The following RMDN1 variants were observed in gnomAD, a reference collection of about 807,000 sequenced individuals.
RMDN1 encodes regulator of microtubule dynamics protein 1.
RMDN1 carries 48 observed loss-of-function variants against 48.9 expected under a neutral mutation model. The observed-to-expected ratio is 0.98, with a 90% CI of 0.78 to 1.25. RMDN1 has a LOEUF of 1.25. Among genes scored for constraint, RMDN1 ranks in the 50% most tolerant of loss-of-function variants. The probability of loss-of-function intolerance (pLI) is 0.00; values close to 1 mark genes in which losing one functional copy is unlikely to be tolerated. For missense variants in RMDN1, 418 were observed against 373.4 expected (o/e 1.12, Z -0.98); for synonymous variants, 148 against 132.6 (o/e 1.12, Z -0.80).
chr8:86,513,182 C>T (rs1244465557), upstream of RMDN1, among the ~76,000 whole-genome samples: 1 of 152,010 alleles, frequency 6.6e-6, no homozygotes, highest in African/African-American at 2.4e-5. Context: ...CAAGACTAGC[C>T]TGACCAACAT....
At chr8:86,502,578 C>T (rs565322665) in intron 2 of RMDN1, among the ~76,000 whole-genome samples, 1 of 152,276 alleles carries the variant, frequency 6.6e-6, no homozygotes, top group African/African-American at 2.4e-5. Flanking sequence ...ATCTATATTA[C>T]GCCAATAAGA....
intron 2 of RMDN1, among the ~76,000 whole-genome samples, chr8:86,502,428 C>A (rs1305826560): frequency 6.6e-6 from 1 of 152,076 alleles, no homozygotes; most frequent in East Asian, 1.9e-4. Context: ...AGATGGGGGT[C>A]TCACTTTGTT....
chr8:86,472,999 G>GT lies in RMDN1; in HGVS notation c.*1308dup, dbSNP rs146977029. ...GGTCCCATCTCCAAGATATCTTATT[G>GT]TGTGTATGCAGGTATTCCAAAATTT... On this transcript the variant is annotated 3_prime_UTR_variant, in exon 10 of 10. Transcript: ENST00000406452. 1.6e-3 allele frequency: 582 copies of GT among 361,204 alleles called. 1 individual carries two copies. The highest frequency in any genetic ancestry group is 0.01 in the African/African-American group (468 of 45,006). 22.4% of individuals were successfully genotyped at this position (361,204 alleles called of 1,614,324 possible). A position where few individuals can be genotyped will look rare whatever the true frequency, so the allele number is the denominator to read the frequency against.
At chr8:86,513,943 G>T (rs1308018979) in intron 1 of RMDN1, among the ~76,000 whole-genome samples, 1 of 151,566 alleles carries the variant, frequency 6.6e-6, no homozygotes, top group East Asian at 1.9e-4. Context: ...CTGAGCCCGT[G>T]ATCCTTCTGC....
At chr8:86,470,802 T>C (rs201935035), downstream of RMDN1, among the ~76,000 whole-genome samples, 16 of 152,298 alleles carry the variant, frequency 1.1e-4, no homozygotes, top group East Asian at 3.1e-3. Context: ...ATTCCATTTG[T>C]ATAACATTGT....
At chr8:86,495,064 C>A in intron 2 of RMDN1, 1 of 311,278 alleles carries the variant, frequency 3.2e-6, no homozygotes, top group Non-Finnish European at 6.3e-6. Flanking sequence ...TGACTAGGCA[C>A]AGCCAGGAAG....
chr8:86,480,883 G>C, intron 5 of RMDN1, among the ~76,000 whole-genome samples: 1 of 151,788 alleles, frequency 6.6e-6, no homozygotes, highest in Non-Finnish European at 1.5e-5. Flanking sequence ...ACTTACCAAA[G>C]GAAAAATAAA....
intron 2 of RMDN1, chr8:86,494,775 A>G: frequency 3.6e-6 from 1 of 275,718 alleles, no homozygotes; most frequent in Admixed American, 5.0e-5. Flanking sequence ...GAGGTTCAAT[A>G]CCAGCCCAGC....
chr8:86,495,329 G>T (rs888815964), intron 2 of RMDN1, among the ~76,000 whole-genome samples: 2 of 152,156 alleles, frequency 1.3e-5, no homozygotes, highest in African/African-American at 2.4e-5. Context: ...AGAGATCCTA[G>T]CTGCAGGAGA....
At chr8:86,471,379 T>A (rs1135451), downstream of RMDN1, among the ~76,000 whole-genome samples, 3 of 150,686 alleles carry the variant, frequency 2.0e-5, no homozygotes, top group Non-Finnish European at 4.4e-5. Context: ...TAAAATTACA[T>A]CCCTAGGGAA....
chr8:86,475,674 TC>T (rs1340890087), intron 8 of RMDN1, among the ~76,000 whole-genome samples: 1 of 152,142 alleles, frequency 6.6e-6, no homozygotes, highest in Admixed American at 6.5e-5. Flanking sequence ...TCACAAAGTG[TC>T]CCCCTAACAA....
upstream of RMDN1, chr8:86,508,696 C>G: frequency 7.0e-7 from 1 of 1,431,216 alleles, no homozygotes; most frequent in Non-Finnish European, 9.1e-7. Context: ...GAGATTCAAT[C>G]CTTCCGGAAA....
chr8:86,494,938 C>CA, intron 2 of RMDN1: 1 of 440,066 alleles, frequency 2.3e-6, no homozygotes, highest in Non-Finnish European at 4.5e-6. Context: ...CGCACCTCCA[C>CA]ACTCTACCCT....
At chr8:86,509,168 A>AAG (rs1819899442), upstream of RMDN1, among the ~76,000 whole-genome samples, 1 of 152,118 alleles carries the variant, frequency 6.6e-6, no homozygotes, top group Admixed American at 6.5e-5. Context: ...GGGTAGATTC[A>AAG]AGAGAGAGTC....
chr8:86,510,492 G>T (rs1292197747), upstream of RMDN1, among the ~76,000 whole-genome samples: 1 of 151,972 alleles, frequency 6.6e-6, no homozygotes, highest in Non-Finnish European at 1.5e-5. Flanking sequence ...TAAATGTATA[G>T]TCCCATCGGT....
At chr8:86,481,964 G>A (rs1449634298) in intron 5 of RMDN1, 2 of 872,632 alleles carry the variant, frequency 2.3e-6, no homozygotes, top group Non-Finnish European at 3.8e-6. Flanking sequence ...CTTGCTGCAA[G>A]CAGAAATCCA....
chr8:86,480,394 G>A (rs1586619003), intron 5 of RMDN1, 62 bp from the exon 6 acceptor site: 2 of 904,936 alleles, frequency 2.2e-6, no homozygotes, highest in East Asian at 5.6e-5. Context: ...GTGCTTTACT[G>A]TGTTTGCTGA....
At chr8:86,505,914 T>C (rs1259257639) in intron 2 of RMDN1, among the ~76,000 whole-genome samples, 1 of 152,258 alleles carries the variant, frequency 6.6e-6, no homozygotes, top group Admixed American at 6.5e-5. Flanking sequence ...AATAAAGTTA[T>C]TGATTTCCTT....
In RMDN1 at chr8:86,496,341, GAC is replaced by G. The variant is rs139589890; in HGVS notation, c.248-7704_248-7703del. On this transcript the variant is annotated intron_variant, in intron 2 of 9. Transcript: ENST00000406452. ...TACAGGCTAAATGCCCCACTTAAAT[GAC>G]ACAGAGTGGCAAGTTGGATAAAGAT... Among the ~76,000 whole-genome samples, 470 of 152,288 alleles carry G rather than the reference GAC, an allele frequency of 3.1e-3. 4 individuals carry two copies. Among genetic ancestry groups the G allele is most frequent in the African/African-American group, 0.011 (449 of 41,548 alleles).
Sources: gnomAD v4.1 joint callset for allele counts (sites outside exome capture counted in the v4.1 genomes callset) on GRCh38, gnomAD v4.1.1 for gene constraint, MANE v1.5 for transcripts, NCBI Gene and HGNC (gene_info 2026-07-23, HGNC 2026-07-21) for gene names.